The following TMEM272 variants were observed in gnomAD, a reference collection of about 807,000 sequenced individuals.
TMEM272 encodes the protein long intergenic non-protein coding RNA 282.
In TMEM272, 8 loss-of-function variants were observed where a neutral mutation model predicts 3.7. The ratio of observed to expected loss-of-function variants is 2.17; its 90% CI spans 1.27 to 3.91. The LOEUF (loss-of-function observed/expected upper bound fraction) is 3.91. TMEM272 is among the 30% of genes most tolerant of loss of function. The probability of loss-of-function intolerance (pLI) is 0.00; values close to 1 mark genes in which losing one functional copy is unlikely to be tolerated. For missense variants in TMEM272, 166 were observed against 91.5 expected, an observed-to-expected ratio of 1.81 and a Z score of -3.32; for synonymous variants, 63 against 39.8, an observed-to-expected ratio of 1.58 and a Z score of -2.20.
intron 1 of TMEM272, among the ~76,000 whole-genome samples, chr13:51,842,862 G>A (rs1258990309): frequency 1.3e-5 from 2 of 152,130 alleles, no homozygotes; most frequent in African/African-American, 4.8e-5. Flanking sequence ...TTTCACTCAA[G>A]TAATCCTAAG....
At chr13:51,899,919 AGTG>A in the TMEM272 span, among the ~76,000 whole-genome samples, 1 of 152,238 alleles carries the variant, frequency 6.6e-6, no homozygotes, top group Non-Finnish European at 1.5e-5. Flanking sequence ...CTTTTCAATA[AGTG>A]GTGCTGGGAC....
chr13:51,859,189 A>T, the TMEM272 span, among the ~76,000 whole-genome samples: 1 of 151,938 alleles, frequency 6.6e-6, no homozygotes, highest in Non-Finnish European at 1.5e-5. Flanking sequence ...AAAAAAAAAA[A>T]ATGGTAATTG....
At position 51,816,872 on chromosome 13, in the gene TMEM272, G is replaced by A; in HGVS notation, c.443C>T (p.Thr148Ile). ...FQQPQDYCDK[T>I]LYLFAVGVLA... ...GACTCCGACTGCAAAGAGGTACAGG[G>A]TTTTGTCACAGTAGTCCTGAGGCTG... Residue 148 changes from threonine to isoleucine, a missense_variant, in exon 5 of 5, where the codon ACC becomes ATC. Physicochemically the swap from Thr to Ile is moderately conservative, Grantham distance 89. Coordinates refer to ENST00000629372, the MANE Select transcript of TMEM272 (RefSeq NM_001351003.2). 1.4e-6 allele frequency: 1 copy of A among 703,042 alleles called. No homozygotes were observed. The allele number at this position is 703,042 out of a possible 1,614,324, so 43.6% of individuals were successfully genotyped here. A position where few individuals can be genotyped will look rare whatever the true frequency, so the allele number is the denominator to read the frequency against.
intron 1 of TMEM272, among the ~76,000 whole-genome samples, chr13:51,842,178 G>C (rs899302181): frequency 1.1e-4 from 16 of 152,350 alleles, no homozygotes; most frequent in African/African-American, 3.6e-4. Context: ...CAGGGATATG[G>C]GGCCACTGGG....
rs1328255369 is a variant in TMEM272 at position 51,816,563 on chromosome 13, T to C, written c.*188A>G. On this transcript the variant is annotated 3_prime_UTR_variant, in exon 5 of 5. Transcript: ENST00000629372. ...CCCCATGTCTAGGAAGGCAAGAGTTTCTTTAGTCTGCTATTATATTCAGTG... is the reference window on the plus strand; with the variant it reads ...CCCCATGTCTAGGAAGGCAAGAGTTCCTTTAGTCTGCTATTATATTCAGTG... 1.4e-4 allele frequency: 71 copies of C among 523,748 alleles called. No homozygotes were observed. The highest frequency in any genetic ancestry group is 1.9e-4 in the Non-Finnish European group (55 of 294,272). The allele number at this position is 523,748 out of a possible 1,614,324, so 32.4% of individuals were successfully genotyped here.
chr13:51,908,467 G>A, the TMEM272 span: 20 of 1,531,392 alleles, frequency 1.3e-5, no homozygotes, highest in East Asian at 2.3e-5. Flanking sequence ...CCTGGAGGAG[G>A]TGGAGGGAAA....
the TMEM272 span, among the ~76,000 whole-genome samples, chr13:51,854,534 G>T: frequency 6.6e-6 from 1 of 152,098 alleles, no homozygotes; most frequent in Non-Finnish European, 1.5e-5. Context: ...TTGTGACCCA[G>T]GCTATTTGAT....
chr13:51,924,683 A>G, the TMEM272 span, among the ~76,000 whole-genome samples: 2 of 152,112 alleles, frequency 1.3e-5, no homozygotes, highest in Middle Eastern at 6.8e-3. Context: ...GCCTGTCTCC[A>G]AACAGTGTGG....
rs564950018 is a variant in TMEM272, at chr13:51,815,404, G to A, written c.*1347C>T. 8.5e-5 allele frequency: 13 copies of A among 152,692 alleles called. No homozygotes were observed. Among genetic ancestry groups the A allele is most frequent in the African/African-American group, 2.4e-4 (10 of 41,560 alleles). 9.5% of individuals were successfully genotyped at this position (152,692 alleles called of 1,614,324 possible). On this transcript the variant is annotated 3_prime_UTR_variant, in exon 5 of 5. Transcript: ENST00000629372. ...AATGGGAAGACCCCATGGGACTCAC[G>A]GGGCCTTTCTCTTAAAGCTACGGAG...
chr13:51,852,834 G>A, the TMEM272 span, among the ~76,000 whole-genome samples: 4 of 149,526 alleles, frequency 2.7e-5, no homozygotes, highest in Admixed American at 6.7e-5. Flanking sequence ...AGCCAAGATC[G>A]CGCCATTGCA....
the TMEM272 span, among the ~76,000 whole-genome samples, chr13:51,886,847 C>T: frequency 2.0e-5 from 3 of 152,152 alleles, no homozygotes; most frequent in Admixed American, 1.3e-4. Flanking sequence ...ATAACTTAGT[C>T]GCTCCAGAAA....
chr13:51,840,141 T>C (rs1280622146), intron 1 of TMEM272, among the ~76,000 whole-genome samples: 1 of 151,412 alleles, frequency 6.6e-6, no homozygotes, highest in Non-Finnish European at 1.5e-5. Flanking sequence ...AGAACTGGGG[T>C]TTGAAATGAG....
chr13:51,878,183 C>A, the TMEM272 span, among the ~76,000 whole-genome samples: 6 of 152,170 alleles, frequency 3.9e-5, no homozygotes, highest in Non-Finnish European at 7.3e-5. Context: ...GTAATCCCAG[C>A]ACTTTGGGAG....
At chr13:51,904,150 C>T in the TMEM272 span, among the ~76,000 whole-genome samples, 1 of 152,126 alleles carries the variant, frequency 6.6e-6, no homozygotes, top group African/African-American at 2.4e-5. Flanking sequence ...TCAGAATCAG[C>T]ATGAGCTTAA....
chr13:51,822,893 C>A (rs575411655), intron 3 of TMEM272, among the ~76,000 whole-genome samples: 60 of 152,316 alleles, frequency 3.9e-4, no homozygotes, highest in African/African-American at 1.2e-3. Context: ...GTCTATTTAA[C>A]ATATAAAGAA....
chr13:51,830,346 C>T (rs996097700), intron 2 of TMEM272, among the ~76,000 whole-genome samples: 1 of 152,226 alleles, frequency 6.6e-6, no homozygotes, highest in African/African-American at 2.4e-5. Flanking sequence ...TAATGACTAC[C>T]TGGAGGAGGC....
intron 2 of TMEM272, among the ~76,000 whole-genome samples, chr13:51,836,000 G>T (rs1299239412): frequency 6.6e-6 from 1 of 152,148 alleles, no homozygotes; most frequent in East Asian, 1.9e-4. Flanking sequence ...TCCAGTCTAG[G>T]CTGAAGTATT....
At chr13:51,919,287 T>G in the TMEM272 span, among the ~76,000 whole-genome samples, 1 of 152,186 alleles carries the variant, frequency 6.6e-6, no homozygotes, top group Non-Finnish European at 1.5e-5. Context: ...ATACAGAGAA[T>G]AAGAAGACAA....
Position 51,816,524 on chromosome 13 carries a change from A to T in TMEM272, c.*227T>A. 1 of 479,968 alleles carries T rather than the reference A, an allele frequency of 2.1e-6. No homozygotes were observed. The highest frequency in any genetic ancestry group is 3.4e-5 in the South Asian group (1 of 29,170). 29.7% of individuals were successfully genotyped at this position (479,968 alleles called of 1,614,324 possible). A position where few individuals can be genotyped will look rare whatever the true frequency, so the allele number is the denominator to read the frequency against. On this transcript the variant is annotated 3_prime_UTR_variant, in exon 5 of 5. Transcript: ENST00000629372. ...AGAACAAAATTCCCACTCTGAAAAG[A>T]GCAGAAGTGATTTCCCCATGTCTAG...
Sources: allele counts gnomAD v4.1 joint callset (sites outside exome capture counted in the v4.1 genomes callset), GRCh38; gene constraint gnomAD v4.1.1; transcripts MANE v1.5; gene names NCBI Gene and HGNC (gene_info 2026-07-23, HGNC 2026-07-21).